CAMTA1: variants seen among roughly 807,000 people sequenced by gnomAD.
CAMTA1 encodes the protein calmodulin-binding transcription activator 1.
In CAMTA1, 27 loss-of-function variants were observed where a neutral mutation model predicts 170.9. That is an observed-to-expected ratio of 0.16 (90% CI 0.12 to 0.22). The LOEUF (loss-of-function observed/expected upper bound fraction) is 0.22, where lower values mean the gene tolerates loss of function less well. Among genes scored for constraint, CAMTA1 ranks in the 10% least tolerant of loss-of-function variants. The pLI is 1.00. For synonymous variants in CAMTA1, 833 were observed against 891.5 expected (o/e 0.93, Z 1.17); for missense variants, 1,619 against 2,217.2 (o/e 0.73, Z 5.42).
In CAMTA1 at chr1:7,195,570, A is replaced by G. The variant is rs1655366579; in HGVS notation, c.303-53921A>G. 6.6e-6 allele frequency among the ~76,000 whole-genome samples: 1 copy of G among 152,134 alleles called. No homozygotes were observed. Among genetic ancestry groups the G allele is most frequent in the Non-Finnish European group, 1.5e-5 (1 of 68,026 alleles). ...ATACCAGCAGGCAACAGTGGTTGGC[A>G]CTGTGACACTCTCCCGCCACACATG... On this transcript the variant is annotated intron_variant, in intron 4 of 22. Transcript: ENST00000303635. The surrounding 1 kb of genome is among the most constrained non-coding windows in gnomAD (Gnocchi z 4.1).
intron 1 of CAMTA1, among the ~76,000 whole-genome samples, chr1:6,819,631 A>G (rs550121061): frequency 4.6e-5 from 7 of 152,360 alleles, no homozygotes; most frequent in African/African-American, 1.4e-4. Flanking sequence ...ATGCATGTTC[A>G]TCAGCACAGA....
intron 5 of CAMTA1, among the ~76,000 whole-genome samples, chr1:7,402,429 A>G (rs918835469): frequency 2.6e-5 from 4 of 152,098 alleles, no homozygotes; most frequent in South Asian, 2.1e-4. Context: ...GCACCTGTCA[A>G]TCTCCCTGAG....
At chr1:7,095,716 G>A (rs764673757) in intron 4 of CAMTA1, among the ~76,000 whole-genome samples, 3 of 152,222 alleles carry the variant, frequency 2.0e-5, no homozygotes, top group South Asian at 2.1e-4. Context: ...TGGCTCATAC[G>A]TGCCAGCCAG....
At chr1:7,231,344 T>TGA (rs1470189506) in intron 4 of CAMTA1, among the ~76,000 whole-genome samples, 3 of 111,870 alleles carry the variant, frequency 2.7e-5, no homozygotes, top group African/African-American at 1.0e-4. Context: ...TGTGTGTGTG[T>TGA]GTGTGTGAGA....
At position 7,366,287 on chromosome 1, in the gene CAMTA1, G is replaced by A. The variant is rs142599768; in HGVS notation, c.439-101543G>A. ...CTGCTCAGTAGAGCCCACCTTGCCT[G>A]TCCTCCTCATTGCCTGCCCTGTTCT... On this transcript the variant is annotated intron_variant, in intron 5 of 22. Transcript: ENST00000303635. 3.9e-5 allele frequency among the ~76,000 whole-genome samples: 6 copies of A among 152,306 alleles called. No individual in the cohort carries two copies. The East Asian group carries it at 1.2e-3, about 29-fold the overall frequency.
intron 5 of CAMTA1, among the ~76,000 whole-genome samples, chr1:7,319,812 G>T (rs965201191): frequency 2.0e-5 from 3 of 152,134 alleles, no homozygotes; most frequent in Non-Finnish European, 4.4e-5. Flanking sequence ...TGCGTCTTTT[G>T]TTAGATTTAT....
chr1:7,266,742 A>G (rs1031442767), intron 5 of CAMTA1, among the ~76,000 whole-genome samples: 4 of 152,176 alleles, frequency 2.6e-5, no homozygotes, highest in African/African-American at 2.4e-5. Flanking sequence ...GCCTGTGACT[A>G]AGGGAGGAAA....
chr1:7,644,035 T>C (rs920172800), intron 7 of CAMTA1, among the ~76,000 whole-genome samples: 1 of 152,236 alleles, frequency 6.6e-6, no homozygotes, highest in East Asian at 1.9e-4. Flanking sequence ...CTTCGAAGAC[T>C]TCACAGTTTG....
chr1:7,036,392 C>T (rs1703600291), intron 3 of CAMTA1, among the ~76,000 whole-genome samples: 2 of 152,304 alleles, frequency 1.3e-5, no homozygotes, highest in South Asian at 4.1e-4. Flanking sequence ...GGCGAGCCCA[C>T]CACGATTATT....
rs182512002 is a variant in CAMTA1 at position 6,941,530 on chromosome 1, G to A, written c.234+116320G>A. On this transcript the variant is annotated intron_variant, in intron 3 of 22. Coordinates refer to ENST00000303635, the MANE Select transcript of CAMTA1 (RefSeq NM_015215.4). ...ATTTAGGTGTAAATGGCCTATTTAG[G>A]AGGTCATCCCAGAAAACACATCAGG... is the stretch of plus-strand genomic sequence containing the variant. Among the ~76,000 whole-genome samples, 59 of 152,280 alleles carry A rather than the reference G, an allele frequency of 3.9e-4. 1 individual carries two copies. The highest frequency in any genetic ancestry group is 1.4e-3 in the African/African-American group (59 of 41,554).
intron 4 of CAMTA1, among the ~76,000 whole-genome samples, chr1:7,204,658 T>C (rs926702036): frequency 1.1e-4 from 16 of 152,038 alleles, no homozygotes; most frequent in Non-Finnish European, 7.4e-5. Context: ...TAGAAACATA[T>C]GTTAGTTTGT....
At chr1:7,160,736 A>G (rs1417141935) in intron 4 of CAMTA1, among the ~76,000 whole-genome samples, 1 of 152,206 alleles carries the variant, frequency 6.6e-6, no homozygotes, top group African/African-American at 2.4e-5. Flanking sequence ...CCCAGGTAGT[A>G]CCACTAAGTT....
chr1:7,535,437 C>T (rs1469603706), intron 6 of CAMTA1, among the ~76,000 whole-genome samples: 1 of 152,198 alleles, frequency 6.6e-6, no homozygotes, highest in Non-Finnish European at 1.5e-5. Flanking sequence ...GGCTCAGGAC[C>T]TGCCCTGTGA....
intron 4 of CAMTA1, among the ~76,000 whole-genome samples, chr1:7,155,111 G>A (rs533077632): frequency 2.0e-5 from 3 of 152,176 alleles, no homozygotes; most frequent in Non-Finnish European, 2.9e-5. Flanking sequence ...ACAGAGGCAC[G>A]GAACAGGATG....
chr1:7,428,662 C>T (rs551431973), intron 5 of CAMTA1, among the ~76,000 whole-genome samples: 11 of 152,300 alleles, frequency 7.2e-5, no homozygotes, highest in Non-Finnish European at 1.6e-4. Context: ...CTCTGACCCC[C>T]CACACTGTCC....
rs1350855087 is a variant in CAMTA1 at position 6,830,181 on chromosome 1, C to T, written c.234+4971C>T. On this transcript the variant is annotated intron_variant, in intron 3 of 22. Transcript: ENST00000303635. ...CCTCCCGCGTAGCTAGGACTACAGG[C>T]GCCCACCACCATGCCGGGCTAGTTT... 2.0e-5 allele frequency among the ~76,000 whole-genome samples: 3 copies of T among 151,574 alleles called. 1 individual carries two copies. Among genetic ancestry groups the T allele is most frequent in the South Asian group, 4.1e-4 (2 of 4,822 alleles).
At position 7,249,536 on chromosome 1, in the gene CAMTA1, A is replaced by G. The variant is rs1416090782; in HGVS notation, c.348A>G (p.Lys116=). 1.2e-6 allele frequency: 2 copies of G among 1,614,168 alleles called. No individual in the cohort carries two copies. Among genetic ancestry groups the G allele is most frequent in the East Asian group, 4.5e-5 (2 of 44,874 alleles). Residue 116 remains lysine (K), a synonymous_variant, in exon 5 of 23, where the codon AAA becomes AAG. Transcript: ENST00000303635. The surrounding 1 kb of genome is among the most constrained non-coding windows in gnomAD (Gnocchi z 4.4). ...SMILYNRKKV[K]YRKDGYCWKK... Reference sequence around the variant, plus strand: ...TACTCTACAACAGGAAGAAAGTGAAATACAGGAAAGATGGGTATTGCTGGA... The same window carrying G: ...TACTCTACAACAGGAAGAAAGTGAAGTACAGGAAAGATGGGTATTGCTGGA...
chr1:6,962,700 T>C (rs1207471866), intron 3 of CAMTA1, among the ~76,000 whole-genome samples: 1 of 78,714 alleles, frequency 1.3e-5, no homozygotes, highest in Non-Finnish European at 2.5e-5. Flanking sequence ...ACCCACTCCC[T>C]GCCTTTTATC....
In CAMTA1 at chr1:7,366,983, C is replaced by T. The variant is rs189868308; in HGVS notation, c.439-100847C>T. Among the ~76,000 whole-genome samples, 41 of 152,288 alleles carry T rather than the reference C, an allele frequency of 2.7e-4. No homozygotes were observed. The East Asian group carries it at 7.3e-3, about 27-fold the overall frequency. On this transcript the variant is annotated intron_variant, in intron 5 of 22. Coordinates refer to ENST00000303635, the MANE Select transcript of CAMTA1 (RefSeq NM_015215.4). ...TCACTCTGGGGCCTTCCCTTCTCCT[C>T]ACCCCAGGGCTCCTGCTGCCTCCCT...
Sources: allele counts gnomAD v4.1 joint callset (sites outside exome capture counted in the v4.1 genomes callset), GRCh38; gene constraint gnomAD v4.1.1; non-coding constraint Gnocchi (gnomAD v3.1); transcripts MANE v1.5; gene names NCBI Gene and HGNC (gene_info 2026-07-23, HGNC 2026-07-21).